GALNTL6: variants seen among roughly 807,000 people sequenced by gnomAD.
GALNTL6 encodes the protein polypeptide N-acetylgalactosaminyltransferase-like 6.
In GALNTL6, 46 loss-of-function variants were observed where a neutral mutation model predicts 73.7. That is an observed-to-expected ratio of 0.62 (90% CI 0.49 to 0.80). GALNTL6 has a LOEUF of 0.80. Ranked by LOEUF, GALNTL6 falls within the 30% of genes least tolerant of loss-of-function variation. GALNTL6 has a pLI of 0.00. For synonymous variants in GALNTL6, 259 were observed against 263.7 expected (o/e 0.98, Z 0.17); for missense variants, 604 against 755.0 (o/e 0.80, Z 2.34).
intron 5 of GALNTL6, among the ~76,000 whole-genome samples, chr4:172,456,925 G>A (rs1646192939): frequency 6.6e-6 from 1 of 152,052 alleles, no homozygotes; most frequent in Admixed American, 6.5e-5. Context: ...TTGAAATGAA[G>A]GAAAAAATAT....
intron 5 of GALNTL6, among the ~76,000 whole-genome samples, chr4:172,583,250 C>T (rs1340420775): frequency 6.6e-6 from 1 of 152,054 alleles, no homozygotes; most frequent in African/African-American, 2.4e-5. Flanking sequence ...TAAAGTGGAA[C>T]CAAAATTAAA....
intron 2 of GALNTL6, among the ~76,000 whole-genome samples, chr4:172,059,925 G>C (rs1056130106): frequency 2.6e-5 from 4 of 152,254 alleles, no homozygotes; most frequent in Middle Eastern, 3.4e-3. Flanking sequence ...AGGGAAATAT[G>C]AAGGGCACAG....
intron 10 of GALNTL6, among the ~76,000 whole-genome samples, chr4:172,963,840 A>G (rs1254521774): frequency 6.6e-6 from 1 of 152,228 alleles, no homozygotes; most frequent in Non-Finnish European, 1.5e-5. Flanking sequence ...CTGACATCCT[A>G]TGGGGAAGAA....
At chr4:173,025,104 G>A (rs1445938751) in intron 12 of GALNTL6, among the ~76,000 whole-genome samples, 3 of 152,134 alleles carry the variant, frequency 2.0e-5, no homozygotes, top group Admixed American at 2.0e-4. Context: ...CTCTCATTCC[G>A]CTTTTAGTTA....
intron 5 of GALNTL6, among the ~76,000 whole-genome samples, chr4:172,675,331 G>A (rs188132086): frequency 7.2e-5 from 11 of 152,190 alleles, no homozygotes; most frequent in African/African-American, 2.4e-4. Flanking sequence ...CCCAAGGTTT[G>A]GAATCCACTG....
At chr4:172,168,459 A>G (rs1342784016) in intron 2 of GALNTL6, among the ~76,000 whole-genome samples, 1 of 152,140 alleles carries the variant, frequency 6.6e-6, no homozygotes, top group South Asian at 2.1e-4. Context: ...GCATATAGAC[A>G]CTTGAGACTA....
chr4:172,371,268 C>T (rs921968489), intron 5 of GALNTL6, among the ~76,000 whole-genome samples: 23 of 152,240 alleles, frequency 1.5e-4, no homozygotes, highest in Admixed American at 7.2e-4. Flanking sequence ...TATGTCTGGT[C>T]GGAACTTCCT....
chr4:171,961,149 T>C (rs1196230009), intron 2 of GALNTL6, among the ~76,000 whole-genome samples: 1 of 152,144 alleles, frequency 6.6e-6, no homozygotes, highest in South Asian at 2.1e-4. Context: ...AATTCTCCAA[T>C]TGTGTCCCAA....
At chr4:171,825,220 A>G (rs867944512) in intron 2 of GALNTL6, among the ~76,000 whole-genome samples, 21 of 152,276 alleles carry the variant, frequency 1.4e-4, no homozygotes, top group Admixed American at 1.4e-3. Flanking sequence ...TGCATCCAAC[A>G]GTCAGGTAGA....
chr4:172,542,493 GC>G lies in GALNTL6; in HGVS notation c.553+193806del, dbSNP rs1450074693. 2.0e-5 allele frequency among the ~76,000 whole-genome samples: 3 copies of G among 152,216 alleles called. No homozygotes were observed. In the East Asian group the frequency reaches 5.8e-4, roughly 30 times the overall value. The stretch of plus-strand genomic sequence containing the variant: ...GAGGACTCCTATACCCTTACCATCT[GC>G]CTAAGTGATTTCTTCTTAACTCTTG... On this transcript the variant is annotated intron_variant, in intron 5 of 12. Coordinates refer to ENST00000506823, the MANE Select transcript of GALNTL6 (RefSeq NM_001034845.3).
At chr4:171,957,200 T>C in intron 2 of GALNTL6, among the ~76,000 whole-genome samples, 1 of 152,226 alleles carries the variant, frequency 6.6e-6, no homozygotes, top group Admixed American at 6.5e-5. Flanking sequence ...TGGCTTAGTG[T>C]AGTGACAGAT....
chr4:172,514,783 C>T lies in GALNTL6; in HGVS notation c.553+166094C>T, dbSNP rs78996116. Among the ~76,000 whole-genome samples, 619 of 152,292 alleles carry T rather than the reference C, an allele frequency of 4.1e-3. 2 individuals carry two copies. The highest frequency in any genetic ancestry group is 6.7e-3 in the Admixed American group (102 of 15,302). ...CCAGGAGTGCCTACAGGGCTCTTCC[C>T]TGCTGCTGCTTCTACTTTTATATTT... is the stretch of plus-strand genomic sequence containing the variant. On this transcript the variant is annotated intron_variant, in intron 5 of 12. Coordinates refer to ENST00000506823, the MANE Select transcript of GALNTL6 (RefSeq NM_001034845.3).
chr4:172,172,699 C>T (rs986221645), intron 2 of GALNTL6, among the ~76,000 whole-genome samples: 3 of 152,122 alleles, frequency 2.0e-5, no homozygotes, highest in African/African-American at 7.2e-5. Context: ...TCTTACAGCA[C>T]AGCAAGCAAA....
At chr4:172,275,571 G>C (rs1300341344) in intron 3 of GALNTL6, among the ~76,000 whole-genome samples, 1 of 152,166 alleles carries the variant, frequency 6.6e-6, no homozygotes, top group Non-Finnish European at 1.5e-5. Flanking sequence ...CATCTAATAA[G>C]TGCTCAAAGT....
intron 5 of GALNTL6, among the ~76,000 whole-genome samples, chr4:172,703,705 G>A (rs1041132607): frequency 1.3e-5 from 2 of 151,836 alleles, no homozygotes; most frequent in African/African-American, 4.8e-5. Flanking sequence ...TACTGACCTT[G>A]TACAATGAAT....
intron 2 of GALNTL6, among the ~76,000 whole-genome samples, chr4:171,918,272 A>G (rs1285576716): frequency 2.0e-5 from 3 of 152,136 alleles, no homozygotes; most frequent in Admixed American, 1.3e-4. Flanking sequence ...GCGTTAAGAT[A>G]TAAGTCTGAC....
At chr4:172,575,281 A>G (rs973545866) in intron 5 of GALNTL6, among the ~76,000 whole-genome samples, 1 of 152,222 alleles carries the variant, frequency 6.6e-6, no homozygotes, top group Non-Finnish European at 1.5e-5. Context: ...CTTACTGCAA[A>G]CATTGTTATG....
chr4:173,022,033 AG>A (rs1753014559), intron 12 of GALNTL6, among the ~76,000 whole-genome samples: 1 of 19,266 alleles, frequency 5.2e-5, no homozygotes, highest in Non-Finnish European at 1.1e-4. Context: ...GAAGGAAAGA[AG>A]GAAGGAAGGA....
intron 5 of GALNTL6, among the ~76,000 whole-genome samples, chr4:172,439,337 C>T (rs1731747569): frequency 6.6e-6 from 1 of 151,982 alleles, no homozygotes; most frequent in Admixed American, 6.6e-5. Context: ...ACCTAATTCT[C>T]ACTCATGTCT....
Sources: gnomAD v4.1 joint callset for allele counts (sites outside exome capture counted in the v4.1 genomes callset) on GRCh38, gnomAD v4.1.1 for gene constraint, MANE v1.5 for transcripts, NCBI Gene and HGNC (gene_info 2026-07-23, HGNC 2026-07-21) for gene names.